Variants in RBPJ observed in about 807,000 individuals in gnomAD.
The protein encoded by RBPJ is recombination signal binding protein for immunoglobulin kappa J region, also known as recombining binding protein suppressor of hairless.
RBPJ carries 9 observed loss-of-function variants against 67.8 expected under a neutral mutation model. That is an observed-to-expected ratio of 0.13 (90% confidence interval 0.08 to 0.23). RBPJ has a LOEUF of 0.23. Ranked by LOEUF, RBPJ falls within the 10% of genes least tolerant of loss-of-function variation. The pLI is 1.00. For missense variants in RBPJ, 305 were observed against 595.6 expected (o/e 0.51, Z 5.08); for synonymous variants, 198 against 203.3 (o/e 0.97, Z 0.22).
intron 1 of RBPJ, among the ~76,000 whole-genome samples, chr4:26,220,326 C>T (rs1480102799): frequency 6.6e-6 from 1 of 152,166 alleles, no homozygotes; most frequent in African/African-American, 2.4e-5. Context: ...CCTCAAAAAG[C>T]TATTGCAATA....
At chr4:26,347,395 A>G (rs961162522) in intron 1 of RBPJ, among the ~76,000 whole-genome samples, 3 of 152,214 alleles carry the variant, frequency 2.0e-5, no homozygotes, top group East Asian at 3.8e-4. Context: ...TATAGAAGCA[A>G]TTAGAAGAAA....
chr4:26,421,703 G>A (rs984122937), intron 5 of RBPJ, among the ~76,000 whole-genome samples: 11 of 151,992 alleles, frequency 7.2e-5, no homozygotes, highest in African/African-American at 1.7e-4. Context: ...ACACCTCTTC[G>A]TCTTCTAATT....
intron 1 of RBPJ, among the ~76,000 whole-genome samples, chr4:26,369,616 C>T (rs1300623117): frequency 6.6e-6 from 1 of 152,128 alleles, no homozygotes; most frequent in Non-Finnish European, 1.5e-5. Context: ...GTGATCTATG[C>T]TCATATTCCA....
At chr4:26,139,251 T>G in the RBPJ span, among the ~76,000 whole-genome samples, 8,383 of 152,300 alleles carry the variant, frequency 0.055, 281 homozygotes, top group South Asian at 0.093. Context: ...TCCTCCTTTA[T>G]AAGGTTTTCT....
At chr4:26,385,709 G>C (rs968521549) in intron 1 of RBPJ, among the ~76,000 whole-genome samples, 18 of 151,562 alleles carry the variant, frequency 1.2e-4, no homozygotes, top group African/African-American at 3.6e-4. Flanking sequence ...TGGGCTTGTT[G>C]CTTTTTACAT....
intron 1 of RBPJ, among the ~76,000 whole-genome samples, chr4:26,233,698 C>T (rs912248314): frequency 2.0e-5 from 3 of 152,116 alleles, no homozygotes; most frequent in African/African-American, 4.8e-5. Flanking sequence ...GGCTATATGC[C>T]GTTATGCAAA....
intron 1 of RBPJ, among the ~76,000 whole-genome samples, chr4:26,224,785 G>C (rs891205597): frequency 6.6e-6 from 1 of 152,174 alleles, no homozygotes; most frequent in Admixed American, 6.5e-5. Flanking sequence ...CGAAAACAAC[G>C]CTCAGTAAAT....
chr4:26,423,930 A>G (rs2109817327), intron 5 of RBPJ, among the ~76,000 whole-genome samples: 1 of 152,350 alleles, frequency 6.6e-6, no homozygotes, highest in South Asian at 2.1e-4. Context: ...ACCACAGCAT[A>G]CAGAGTATTT....
chr4:26,215,767 A>T (rs2109183538), intron 1 of RBPJ, among the ~76,000 whole-genome samples: 1 of 151,720 alleles, frequency 6.6e-6, no homozygotes, highest in South Asian at 2.1e-4. Flanking sequence ...AGAAATGGCT[A>T]ACCTTCAGCA....
At chr4:26,200,680 A>T (rs538680946) in intron 1 of RBPJ, among the ~76,000 whole-genome samples, 1 of 151,304 alleles carries the variant, frequency 6.6e-6, no homozygotes, top group African/African-American at 2.4e-5. Context: ...AGAAAAAAAA[A>T]CCCAAGCAAT....
intron 1 of RBPJ, among the ~76,000 whole-genome samples, chr4:26,375,731 C>T (rs1037396441): frequency 6.6e-6 from 1 of 152,076 alleles, no homozygotes; most frequent in Non-Finnish European, 1.5e-5. Context: ...ATGTTCAGTC[C>T]CCATCAGTCT....
chr4:26,352,951 A>G (rs781721365), intron 1 of RBPJ, among the ~76,000 whole-genome samples: 4 of 152,194 alleles, frequency 2.6e-5, no homozygotes, highest in Non-Finnish European at 5.9e-5. Context: ...TTTGTTTTCC[A>G]GCTTCTTATG....
intron 1 of RBPJ, among the ~76,000 whole-genome samples, chr4:26,310,135 C>T (rs767428290): frequency 5.9e-5 from 9 of 152,108 alleles, no homozygotes; most frequent in Non-Finnish European, 8.8e-5. Flanking sequence ...GGACAGAAAA[C>T]GGTGAATATT....
chr4:26,185,910 G>A (rs994141185), intron 1 of RBPJ, among the ~76,000 whole-genome samples: 2 of 152,174 alleles, frequency 1.3e-5, no homozygotes, highest in African/African-American at 4.8e-5. Flanking sequence ...GCTGGGTGTG[G>A]TGGCACGTGC....
At chr4:26,419,047 C>T (rs915276126) in intron 4 of RBPJ, among the ~76,000 whole-genome samples, 75 of 152,262 alleles carry the variant, frequency 4.9e-4, no homozygotes, top group East Asian at 1.9e-4. Flanking sequence ...GGTGGGATCA[C>T]GGCCCATTAC....
intron 1 of RBPJ, among the ~76,000 whole-genome samples, chr4:26,290,499 C>T (rs1419403575): frequency 1.3e-5 from 2 of 149,922 alleles, no homozygotes; most frequent in African/African-American, 4.9e-5. Flanking sequence ...AAAGCTTTGG[C>T]CAATTTTTTC....
At chr4:26,157,436 A>C in the RBPJ span, among the ~76,000 whole-genome samples, 1 of 152,232 alleles carries the variant, frequency 6.6e-6, no homozygotes, top group Admixed American at 6.5e-5. Context: ...CTGTCTCTAA[A>C]AACTAAAAAT....
At chr4:26,360,266 T>C (rs1727898440) in intron 1 of RBPJ, among the ~76,000 whole-genome samples, 1 of 152,244 alleles carries the variant, frequency 6.6e-6, no homozygotes, top group African/African-American at 2.4e-5. Context: ...TTCCCTATCC[T>C]GCCTGGAAAA....
Position 26,239,007 on chromosome 4 carries a change from A to G in RBPJ, c.-167+75393A>G, listed in dbSNP as rs527985644. 1.1e-4 allele frequency among the ~76,000 whole-genome samples: 16 copies of G among 152,220 alleles called. No homozygotes were observed. In the East Asian group the frequency reaches 1.7e-3, roughly 17 times the overall value. ...AGGGCGGCACCATTTGCCTTTTTCAATCAATCAGACAACAATTGAGGGATG... is the reference window on the plus strand; with the variant it reads ...AGGGCGGCACCATTTGCCTTTTTCAGTCAATCAGACAACAATTGAGGGATG... On this transcript the variant is annotated intron_variant, in intron 1 of 4. Coordinates refer to the RBPJ transcript ENST00000512351.
Sources: gnomAD v4.1 joint callset for allele counts (sites outside exome capture counted in the v4.1 genomes callset) on GRCh38, gnomAD v4.1.1 for gene constraint, MANE v1.5 for transcripts, NCBI Gene and HGNC (gene_info 2026-07-23, HGNC 2026-07-21) for gene names.